The following PRPF38B variants were observed in gnomAD, a reference collection of about 807,000 sequenced individuals.
PRPF38B encodes the protein pre-mRNA processing factor 38B.
PRPF38B carries 18 observed loss-of-function variants against 67.2 expected under a neutral mutation model. The ratio of observed to expected loss-of-function variants is 0.27; its 90% CI spans 0.19 to 0.40. The LOEUF (loss-of-function observed/expected upper bound fraction) is 0.40, where lower values mean the gene tolerates loss of function less well. PRPF38B is among the 10% of genes least tolerant of loss of function. PRPF38B has a pLI of 1.00. For synonymous variants in PRPF38B, 246 were observed against 234.2 expected (o/e 1.05, Z -0.46); for missense variants, 544 against 684.9 (o/e 0.79, Z 2.30).
rs1660443907 is a variant in PRPF38B at position 108,701,073 on chromosome 1, G to A, written c.*1053G>A. ...ACAGAGGAGTATTAAAAGTAATGCT[G>A]TGCTGCATTATTTAAGACTATCAGC... is the stretch of plus-strand genomic sequence containing the variant. On this transcript the variant is annotated 3_prime_UTR_variant, in exon 6 of 6. Transcript: ENST00000370025. 2 of 152,680 alleles carry A rather than the reference G, an allele frequency of 1.3e-5. No individual in the cohort carries two copies. The highest frequency in any genetic ancestry group is 1.9e-4 in the East Asian group (1 of 5,188). 9.5% of individuals were successfully genotyped at this position (152,680 alleles called of 1,614,324 possible).
chr1:108,692,601 A>T lies in PRPF38B; in HGVS notation c.10A>T (p.Asn4Tyr). The T allele has an allele frequency of 6.3e-7, 1 of 1,589,360 alleles. No individual in the cohort carries two copies. Among genetic ancestry groups the T allele is most frequent in the Middle Eastern group, 1.7e-4 (1 of 5,832 alleles). The stretch of plus-strand genomic sequence containing the variant: ...TTCCTTCCGCCGCAACATGGCTAAC[A>T]ACAGCCCCGCGCTGACAGGCAACTC... Reference protein sequence around the residue: MANNSPALTGNSQP... With the variant: MANYSPALTGNSQP... Residue 4 changes from asparagine to tyrosine, a missense_variant, in exon 1 of 6, where the codon AAC becomes TAC. Transcript: ENST00000370025.
At position 108,702,572 on chromosome 1, in the gene PRPF38B, G is replaced by C. The variant is rs988806750; in HGVS notation, c.*2552G>C. Among the ~76,000 whole-genome samples the C allele has an allele frequency of 1.3e-5, 2 of 152,112 alleles. No individual in the cohort carries two copies. The highest frequency in any genetic ancestry group is 2.9e-5 in the Non-Finnish European group (2 of 68,028). On this transcript the variant is annotated 3_prime_UTR_variant, in exon 6 of 6. Coordinates refer to ENST00000370025, the MANE Select transcript of PRPF38B (RefSeq NM_018061.4). ...ACTGGGAAAACAAGTGGCTATGAAA[G>C]ACATCTCACATTTCTTGAAACATGA...
rs562305421 is a variant in PRPF38B at position 108,692,493 on chromosome 1, G to C, written c.-99G>C. 18 of 1,360,660 alleles carry C rather than the reference G, an allele frequency of 1.3e-5. No individual in the cohort carries two copies. In the African/African-American group the frequency reaches 2.2e-4, roughly 17 times the overall value. The allele number at this position is 1,360,660 out of a possible 1,614,324, so 84.3% of individuals were successfully genotyped here. On this transcript the variant is annotated 5_prime_UTR_variant, in exon 1 of 6. Coordinates refer to ENST00000370025, the MANE Select transcript of PRPF38B (RefSeq NM_018061.4). ...CGAGGCGGCCCCTTCTCCCGACGAC[G>C]TTCGATGGAGTAGGGTCCCAGACCG...
rs1660230209 is a variant in PRPF38B, at chr1:108,699,532, T to A, written c.1153T>A (p.Ser385Thr). 1.3e-6 allele frequency: 2 copies of A among 1,555,650 alleles called. No homozygotes were observed. Among genetic ancestry groups the A allele is most frequent in the South Asian group, 1.2e-5 (1 of 84,954 alleles). The change falls in exon 6 of 6, where the codon TCA becomes ACA. Residue 385 changes from serine to threonine, a missense_variant. By Grantham distance (58) the Ser-to-Thr change is moderately conservative (BLOSUM62 1). Around this residue, in one of 5 missense-constraint regions of PRPF38B, gnomAD observed 387 missense variants for 386.1 expected, o/e 1.00. Coordinates refer to ENST00000370025, the MANE Select transcript of PRPF38B (RefSeq NM_018061.4). Reference sequence around the variant, plus strand: ...TGAACGAGAAAAAGAGAGAGAGCGATCAAGAGAAAGGTCCAAGGAACAGAG... The same window carrying A: ...TGAACGAGAAAAAGAGAGAGAGCGAACAAGAGAAAGGTCCAAGGAACAGAG... ...GNEREKERER[S>T]RERSKEQRSR...
rs1374541227 is a variant in PRPF38B at position 108,702,604 on chromosome 1, T to A, written c.*2584T>A. 6.6e-6 allele frequency among the ~76,000 whole-genome samples: 1 copy of A among 151,994 alleles called. No homozygotes were observed. Among genetic ancestry groups the A allele is most frequent in the African/African-American group, 2.4e-5 (1 of 41,354 alleles). On this transcript the variant is annotated 3_prime_UTR_variant, in exon 6 of 6. Coordinates refer to ENST00000370025, the MANE Select transcript of PRPF38B (RefSeq NM_018061.4). The stretch of plus-strand genomic sequence containing the variant: ...CACATTTCTTGAAACATGAGAACAT[T>A]TGGACACGAACATCACACGCCGGGG...
chr1:108,698,939 T>C (rs113243856), intron 5 of PRPF38B, 112 bp downstream of exon 5: 1 of 1,293,310 alleles, frequency 7.7e-7, no homozygotes, highest in African/African-American at 1.5e-5. Flanking sequence ...ATTTTATTAG[T>C]TTGTCACTTT....
At chr1:108,699,102 T>G in intron 5 of PRPF38B, 60 bp from the exon 6 acceptor site, 1 of 1,529,440 alleles carries the variant, frequency 6.5e-7, no homozygotes, top group Non-Finnish European at 8.7e-7. Context: ...AGTTTTACTG[T>G]GAAAAGAATT....
At chr1:108,697,267 T>G (rs1430677829) in intron 4 of PRPF38B, 1 of 152,712 alleles carries the variant, frequency 6.5e-6, no homozygotes, top group Admixed American at 6.5e-5. Context: ...ATATCATATA[T>G]GCATTAATTT....
chr1:108,698,951 A>AC, intron 5 of PRPF38B, 124 bp downstream of exon 5: 1 of 1,296,712 alleles, frequency 7.7e-7, no homozygotes, highest in Non-Finnish European at 1.0e-6. Context: ...TGTCACTTTT[A>AC]CCCCCCAAAG....
In PRPF38B at chr1:108,700,528, ATTC is replaced by A. The variant is rs2101058393; in HGVS notation, c.*511_*513del. On this transcript the variant is annotated 3_prime_UTR_variant, in exon 6 of 6. Transcript: ENST00000370025. ...AAGAAGGCAGCATTGTAGGATTAACATTCTTGTCTACTGTATATTATCTTGGAA... is the reference window on the plus strand; with the variant it reads ...AAGAAGGCAGCATTGTAGGATTAACATTGTCTACTGTATATTATCTTGGAA... The A allele has an allele frequency of 6.5e-6, 1 of 153,668 alleles. No homozygotes were observed. Among genetic ancestry groups the A allele is most frequent in the East Asian group, 1.9e-4 (1 of 5,196 alleles). The allele number at this position is 153,668 out of a possible 1,614,324, so 9.5% of individuals were successfully genotyped here.
rs563068581 is a variant in PRPF38B at position 108,700,154 on chromosome 1, G to A, written c.*134G>A. ...AGGCTGCATTTTCATTTCCTCTTTC[G>A]TGTAGGGAAGTGCCTTTGTAATTCC... On this transcript the variant is annotated 3_prime_UTR_variant, in exon 6 of 6. Coordinates refer to ENST00000370025, the MANE Select transcript of PRPF38B (RefSeq NM_018061.4). The A allele has an allele frequency of 3.9e-5, 53 of 1,358,830 alleles. No individual in the cohort carries two copies. In the Middle Eastern group the frequency reaches 8.1e-4, roughly 21 times the overall value. 84.2% of individuals were successfully genotyped at this position (1,358,830 alleles called of 1,614,324 possible).
At position 108,702,347 on chromosome 1, in the gene PRPF38B, C is replaced by T. The variant is rs1325904231; in HGVS notation, c.*2327C>T. Among the ~76,000 whole-genome samples the T allele has an allele frequency of 6.6e-6, 1 of 152,166 alleles. No individual in the cohort carries two copies. The highest frequency in any genetic ancestry group is 1.5e-5 in the Non-Finnish European group (1 of 68,034). On this transcript the variant is annotated 3_prime_UTR_variant, in exon 6 of 6. Transcript: ENST00000370025. ...CCATGTTGCCCAGGCTGGTCTTGAACTCCTGGCCTCAAGTGATCCACCCAC... is the reference window on the plus strand; with the variant it reads ...CCATGTTGCCCAGGCTGGTCTTGAATTCCTGGCCTCAAGTGATCCACCCAC...
At position 108,692,680 on chromosome 1, in the gene PRPF38B, G is replaced by A. The variant is rs776175367; in HGVS notation, c.89G>A (p.Gly30Asp). 2 of 1,612,282 alleles carry A rather than the reference G, an allele frequency of 1.2e-6. No homozygotes were observed. Among genetic ancestry groups the A allele is most frequent in the Non-Finnish European group, 1.7e-6 (2 of 1,179,858 alleles). Residue 30 changes from glycine to aspartate, a missense_variant, in exon 1 of 6, where the codon GGC becomes GAC. Physicochemically the swap from Gly to Asp is moderately conservative, Grantham distance 94. Coordinates refer to ENST00000370025, the MANE Select transcript of PRPF38B (RefSeq NM_018061.4). ...GCGGCTCAGCAACAGCAGCAGTGCG[G>A]CGGCGGCGGCGCTACCAAGCCGGCG... is the stretch of plus-strand genomic sequence containing the variant. ...AAAAQQQQQC[G>D]GGGATKPAVS...
chr1:108,695,882 A>G, intron 2 of PRPF38B, 112 bp downstream of exon 2: 1 of 1,378,912 alleles, frequency 7.3e-7, no homozygotes, highest in South Asian at 1.3e-5. Flanking sequence ...TTTTTAATCC[A>G]AATTCAAGTG....
intron 4 of PRPF38B, 94 bp downstream of exon 4, chr1:108,696,431 TC>T: frequency 2.6e-6 from 3 of 1,132,894 alleles, no homozygotes; most frequent in East Asian, 2.5e-5. Flanking sequence ...TTCAAGAACT[TC>T]CTGTAGTTAA....
At chr1:108,696,738 A>G (rs934118659) in intron 4 of PRPF38B, 4 of 716,796 alleles carry the variant, frequency 5.6e-6, no homozygotes, top group Non-Finnish European at 1.0e-5. Flanking sequence ...GGAACATTTC[A>G]GTTCTTCACC....
chr1:108,695,897 G>C, intron 2 of PRPF38B, 127 bp downstream of exon 2: 2 of 1,350,426 alleles, frequency 1.5e-6, no homozygotes, highest in Non-Finnish European at 2.0e-6. Context: ...CAAGTGTTCA[G>C]TGAAATAGGG....
rs1271191299 is a variant in PRPF38B at position 108,700,056 on chromosome 1, T to G, written c.*36T>G. The G allele has an allele frequency of 6.5e-7, 1 of 1,543,096 alleles. No individual in the cohort carries two copies. Reference sequence around the variant, plus strand: ...TAAAAGTGGATCACATTGAATCCTATAAATGATTAAATCTGCTTTTTTCCC... The same window carrying G: ...TAAAAGTGGATCACATTGAATCCTAGAAATGATTAAATCTGCTTTTTTCCC... On this transcript the variant is annotated 3_prime_UTR_variant, in exon 6 of 6. Coordinates refer to ENST00000370025, the MANE Select transcript of PRPF38B (RefSeq NM_018061.4).
chr1:108,692,616 A>G lies in PRPF38B; in HGVS notation c.25A>G (p.Thr9Ala), dbSNP rs1465012060. The G allele has an allele frequency of 1.3e-6, 2 of 1,575,572 alleles. No homozygotes were observed. Among genetic ancestry groups the G allele is most frequent in the Non-Finnish European group, 1.7e-6 (2 of 1,160,596 alleles). ...CATGGCTAACAACAGCCCCGCGCTGACAGGCAACTCGCAGCCGCAGCACCA... is the reference window on the plus strand; with the variant it reads ...CATGGCTAACAACAGCCCCGCGCTGGCAGGCAACTCGCAGCCGCAGCACCA... MANNSPALTGNSQPQHQAA... is the reference protein window; with the variant it reads MANNSPALAGNSQPQHQAA... The change falls in exon 1 of 6, where the codon ACA becomes GCA. Residue 9 changes from threonine (T) to alanine (A), a missense_variant. Thr to Ala is a moderately conservative substitution (Grantham distance 58). Around this residue, in one of 5 missense-constraint regions of PRPF38B, gnomAD observed 70 missense variants for 58.4 expected, o/e 1.20. Coordinates refer to ENST00000370025, the MANE Select transcript of PRPF38B (RefSeq NM_018061.4).
Sources: gnomAD v4.1 joint callset for allele counts (sites outside exome capture counted in the v4.1 genomes callset) on GRCh38, gnomAD v4.1.1 for gene constraint, gnomAD v4.1.1 regional missense constraint, MANE v1.5 for transcripts, NCBI Gene and HGNC (gene_info 2026-07-23, HGNC 2026-07-21) for gene names.